Variants in PLCB1 observed in about 807,000 individuals in gnomAD.
The protein encoded by PLCB1 is phospholipase C beta 1.
A neutral mutation model predicts 161.8 loss-of-function variants in PLCB1; 46 were observed. That is an observed-to-expected ratio of 0.28 (90% confidence interval 0.22 to 0.36). The LOEUF (loss-of-function observed/expected upper bound fraction) is 0.36. Among genes scored for constraint, PLCB1 ranks in the 10% least tolerant of loss-of-function variants. The probability of loss-of-function intolerance (pLI) is 1.00; values close to 1 mark genes in which losing one functional copy is unlikely to be tolerated. For synonymous variants in PLCB1, 517 were observed against 503.7 expected (o/e 1.03, Z -0.35); for missense variants, 1,016 against 1,472.5 (o/e 0.69, Z 5.07).
intron 3 of PLCB1, among the ~76,000 whole-genome samples, chr20:8,562,316 G>A (rs6118251): frequency 0.069 from 10,442 of 152,126 alleles, 420 homozygotes; most frequent in South Asian, 0.13. Flanking sequence ...CACACTATGT[G>A]AGTGTGAAAA....
intron 2 of PLCB1, among the ~76,000 whole-genome samples, chr20:8,229,498 A>T (rs1036472361): frequency 5.3e-5 from 8 of 152,160 alleles, no homozygotes; most frequent in Non-Finnish European, 1.2e-4. Context: ...GTTAAATTTC[A>T]ATTAGTTTAA....
At chr20:8,700,532 A>C (rs902025975) in intron 11 of PLCB1, among the ~76,000 whole-genome samples, 3 of 152,298 alleles carry the variant, frequency 2.0e-5, no homozygotes, top group East Asian at 1.9e-4. Context: ...CTCTGGAAGC[A>C]TGGCTTCTCA....
At chr20:8,365,265 C>A (rs1437109029) in intron 2 of PLCB1, among the ~76,000 whole-genome samples, 1 of 152,196 alleles carries the variant, frequency 6.6e-6, no homozygotes, top group Non-Finnish European at 1.5e-5. Flanking sequence ...GAGGGAAGAA[C>A]TTACATTTTC....
At chr20:8,471,169 A>T (rs1600092405) in intron 3 of PLCB1, among the ~76,000 whole-genome samples, 1 of 152,190 alleles carries the variant, frequency 6.6e-6, no homozygotes, top group South Asian at 2.1e-4. Context: ...GGAATGTAAT[A>T]GGTTTTATAT....
intron 31 of PLCB1, among the ~76,000 whole-genome samples, chr20:8,840,284 G>C (rs1482984645): frequency 6.6e-6 from 1 of 152,128 alleles, no homozygotes; most frequent in East Asian, 1.9e-4. Flanking sequence ...TCTAGAAATA[G>C]GGCAAGCTTC....
chr20:8,265,035 AAG>A (rs1981887186), intron 2 of PLCB1, among the ~76,000 whole-genome samples: 1 of 152,178 alleles, frequency 6.6e-6, no homozygotes, highest in African/African-American at 2.4e-5. Context: ...AATTACTCGT[AAG>A]TCCAGGAAAT....
intron 31 of PLCB1, among the ~76,000 whole-genome samples, chr20:8,798,075 T>G (rs1241657675): frequency 6.6e-6 from 1 of 151,996 alleles, no homozygotes; most frequent in Non-Finnish European, 1.5e-5. Context: ...TGTGCACCTG[T>G]AATCCCAGCT....
At chr20:8,758,956 C>T (rs1319420421) in intron 24 of PLCB1, among the ~76,000 whole-genome samples, 1 of 152,232 alleles carries the variant, frequency 6.6e-6, no homozygotes, top group African/African-American at 2.4e-5. Context: ...CTGACCTAAA[C>T]TGCACAATTT....
intron 3 of PLCB1, among the ~76,000 whole-genome samples, chr20:8,467,392 T>C (rs968481924): frequency 6.6e-6 from 1 of 152,188 alleles, no homozygotes; most frequent in Admixed American, 6.5e-5. Flanking sequence ...AAGGGCTCCA[T>C]GGATAGCCAC....
intron 3 of PLCB1, among the ~76,000 whole-genome samples, chr20:8,611,280 C>T (rs1368006993): frequency 6.6e-6 from 1 of 152,004 alleles, no homozygotes; most frequent in East Asian, 1.9e-4. Flanking sequence ...TGCCATTGGG[C>T]ACCATCTTCT....
At chr20:8,854,747 G>A (rs569979382) in intron 31 of PLCB1, among the ~76,000 whole-genome samples, 1 of 152,298 alleles carries the variant, frequency 6.6e-6, no homozygotes, top group South Asian at 2.1e-4. Context: ...CTGTTTTCAC[G>A]TCTCCACGCT....
At chr20:8,602,999 A>G (rs1010873123) in intron 3 of PLCB1, among the ~76,000 whole-genome samples, 1 of 151,694 alleles carries the variant, frequency 6.6e-6, no homozygotes, top group African/African-American at 2.4e-5. Context: ...AGCCCCAGAT[A>G]TATATAACTC....
intron 2 of PLCB1, among the ~76,000 whole-genome samples, chr20:8,260,333 C>G (rs1981631358): frequency 6.6e-6 from 1 of 151,878 alleles, no homozygotes; most frequent in African/African-American, 2.4e-5. Flanking sequence ...ATTCTCCCCT[C>G]CTGAGCCTCC....
chr20:8,858,527 T>G (rs1030071728), intron 31 of PLCB1, among the ~76,000 whole-genome samples: 33 of 152,192 alleles, frequency 2.2e-4, no homozygotes, highest in Non-Finnish European at 4.0e-4. Flanking sequence ...GCAGTCCAAG[T>G]GAGATCCCTC....
chr20:8,658,512 A>G (rs1339000444), intron 8 of PLCB1, 26 bp from the exon 9 acceptor site: 1 of 1,542,960 alleles, frequency 6.5e-7, no homozygotes, highest in South Asian at 1.2e-5. Context: ...AAAAATTCTT[A>G]TTGCTTGGTT....
chr20:8,334,216 A>G (rs544927178), intron 2 of PLCB1, among the ~76,000 whole-genome samples: 1 of 152,244 alleles, frequency 6.6e-6, no homozygotes, highest in African/African-American at 2.4e-5. Flanking sequence ...CCTCAAAAAA[A>G]AAAAGAAAGA....
In PLCB1 at chr20:8,289,523, A is replaced by G. The variant is rs949665572; in HGVS notation, c.178-81859A>G. Reference sequence around the variant, plus strand: ...ATTTTACAGATGAGGAAATTGAGGCAGAGAGAGGTTAAGCCATGTGCTCAA... The same window carrying G: ...ATTTTACAGATGAGGAAATTGAGGCGGAGAGAGGTTAAGCCATGTGCTCAA... On this transcript the variant is annotated intron_variant, in intron 2 of 31. Transcript: ENST00000338037. Among the ~76,000 whole-genome samples, 9 of 152,180 alleles carry G rather than the reference A, an allele frequency of 5.9e-5. No homozygotes were observed. The South Asian group carries it at 1.9e-3, about 32-fold the overall frequency.
intron 3 of PLCB1, chr20:8,372,192 G>GAA (rs1354867161): frequency 1.3e-5 from 2 of 152,112 alleles, no homozygotes; most frequent in Non-Finnish European, 2.9e-5. Context: ...GGCAAACATA[G>GAA]AAGTACAGTT....
In PLCB1 at chr20:8,659,991, CA is replaced by C. The variant is rs11482818; in HGVS notation, c.862+1304del. ...TGGGTGACAGAGGAAGACTCTGTCT[CA>C]AAAAAAAAAAAAAAAAGAAGAAGAA... On this transcript the variant is annotated intron_variant, in intron 9 of 31. Transcript: ENST00000338037. 8.2e-3 allele frequency among the ~76,000 whole-genome samples: 903 copies of C among 109,850 alleles called. 3 individuals are homozygous for C. Among genetic ancestry groups the C allele is most frequent in the African/African-American group, 0.014 (435 of 30,344 alleles). 72.1% of individuals were successfully genotyped at this position (109,850 alleles called of 152,430 possible). A position where few individuals can be genotyped will look rare whatever the true frequency, so the allele number is the denominator to read the frequency against.
Sources: gnomAD v4.1 joint callset for allele counts (sites outside exome capture counted in the v4.1 genomes callset) on GRCh38, gnomAD v4.1.1 for gene constraint, MANE v1.5 for transcripts, NCBI Gene and HGNC (gene_info 2026-07-23, HGNC 2026-07-21) for gene names.